TC2N: variants seen among roughly 807,000 people sequenced by gnomAD.
The protein encoded by TC2N is tandem C2 domains, nuclear.
Under a neutral mutation model 61.9 loss-of-function variants are expected in TC2N, and 51 were observed. The ratio of observed to expected loss-of-function variants is 0.82; its 90% CI spans 0.66 to 1.04. The LOEUF is 1.04. TC2N is among the 50% of genes least tolerant of loss of function. The pLI is 0.00. For synonymous variants in TC2N, 204 were observed against 192.6 expected, an observed-to-expected ratio of 1.06 and a Z score of -0.49; for missense variants, 556 against 566.7, an observed-to-expected ratio of 0.98 and a Z score of 0.19.
At chr14:91,843,406 G>GT (rs1013502788) in intron 1 of TC2N, among the ~76,000 whole-genome samples, 12 of 152,074 alleles carry the variant, frequency 7.9e-5, no homozygotes, top group Non-Finnish European at 1.0e-4. Context: ...TTAGCCAATA[G>GT]TAAGTTAGAG....
rs1888215148 is a variant in TC2N, at chr14:91,844,041, A to G, written c.-57+23221T>C. Among the ~76,000 whole-genome samples, 3 of 126,736 alleles carry G rather than the reference A, an allele frequency of 2.4e-5. No individual in the cohort carries two copies. In the Admixed American group the frequency reaches 2.6e-4, roughly 11 times the overall value. The allele number at this position is 126,736 out of a possible 152,430, so 83.1% of individuals were successfully genotyped here. A position where few individuals can be genotyped will look rare whatever the true frequency, so the allele number is the denominator to read the frequency against. Reference sequence around the variant, plus strand: ...CCTACTTGACGTGGGTTACATTTTTACCAGAAGAAAGGAAAAAAAAATGCA... The same window carrying G: ...CCTACTTGACGTGGGTTACATTTTTGCCAGAAGAAAGGAAAAAAAAATGCA... On this transcript the variant is annotated intron_variant, in intron 1 of 11. Coordinates refer to ENST00000435962, the MANE Select transcript of TC2N (RefSeq NM_001128596.3).
chr14:91,832,836 A>C lies in TC2N; in HGVS notation c.-56-19011T>G, dbSNP rs117710229. Among the ~76,000 whole-genome samples the C allele has an allele frequency of 6.8e-3, 1,030 of 152,374 alleles. 7 individuals are homozygous for C. Among genetic ancestry groups the C allele is most frequent in the Non-Finnish European group, 9.6e-3 (655 of 68,038 alleles). ...AAAAAAAAGACTGAAAACATCCTAA[A>C]TATCCATCCGCAGGATAATGGATAA... is the stretch of plus-strand genomic sequence containing the variant. On this transcript the variant is annotated intron_variant, in intron 1 of 11. Transcript: ENST00000435962.
At chr14:91,852,899 G>A (rs1173721354) in intron 1 of TC2N, among the ~76,000 whole-genome samples, 5 of 152,064 alleles carry the variant, frequency 3.3e-5, no homozygotes, top group African/African-American at 4.8e-5. Flanking sequence ...GTGAAACCCC[G>A]TCTCTACTAA....
chr14:91,802,752 G>A (rs898370913), intron 3 of TC2N, among the ~76,000 whole-genome samples: 3 of 150,608 alleles, frequency 2.0e-5, no homozygotes, highest in African/African-American at 7.4e-5. Context: ...ATTGGGGGGG[G>A]AGATACATCC....
intron 1 of TC2N, among the ~76,000 whole-genome samples, chr14:91,854,213 G>A (rs552165710): frequency 6.2e-4 from 95 of 152,154 alleles, no homozygotes; most frequent in African/African-American, 2.1e-3. Context: ...AGAGTTTAGG[G>A]CAAGTTCTGT....
chr14:91,819,366 T>C (rs1419285620), intron 1 of TC2N, among the ~76,000 whole-genome samples: 2 of 151,950 alleles, frequency 1.3e-5, no homozygotes, highest in African/African-American at 4.8e-5. Context: ...GATAGTAGCA[T>C]AGCTCTCAAT....
At chr14:91,865,763 T>C (rs1039943599) in intron 1 of TC2N, among the ~76,000 whole-genome samples, 3 of 152,194 alleles carry the variant, frequency 2.0e-5, no homozygotes, top group Non-Finnish European at 4.4e-5. Flanking sequence ...AACAGATGTC[T>C]TAATAATTTT....
At chr14:91,790,327 T>C (rs1037842725) in intron 9 of TC2N, among the ~76,000 whole-genome samples, 1 of 152,168 alleles carries the variant, frequency 6.6e-6, no homozygotes, top group Admixed American at 6.5e-5. Context: ...CAGTTGTCAG[T>C]GTGGATGGGA....
intron 1 of TC2N, among the ~76,000 whole-genome samples, chr14:91,843,035 C>T (rs940237761): frequency 1.3e-5 from 2 of 152,074 alleles, no homozygotes; most frequent in Non-Finnish European, 2.9e-5. Flanking sequence ...CAGTTCTGCA[C>T]TTAGGCCTTA....
chr14:91,836,968 A>G (rs1236352528), intron 1 of TC2N, among the ~76,000 whole-genome samples: 9 of 152,210 alleles, frequency 5.9e-5, no homozygotes, highest in Non-Finnish European at 1.0e-4. Flanking sequence ...TAAAAAGTCT[A>G]TAAAGTCTTT....
At position 91,783,191 on chromosome 14, in the gene TC2N, C is replaced by G. The variant is rs144878256; in HGVS notation, c.1382G>C (p.Ser461Thr). The stretch of plus-strand genomic sequence containing the variant: ...CTGGTTCACTGCTTCAATGTTATTA[C>G]TGTCTTCACTTATCCAAATCTGTAA... ...FVGQIWISEDSNNIEAVNQWK... is the reference protein window; with the variant it reads ...FVGQIWISEDTNNIEAVNQWK... The change falls in exon 12 of 12, where the codon AGT becomes ACT. Residue 461 changes from serine to threonine, a missense_variant. Transcript: ENST00000435962. 2.9e-5 allele frequency: 47 copies of G among 1,605,296 alleles called. No individual in the cohort carries two copies. The East Asian group carries it at 9.4e-4, about 32-fold the overall frequency.
intron 1 of TC2N, chr14:91,836,435 G>A (rs1256832740): frequency 6.6e-6 from 1 of 152,200 alleles, no homozygotes; most frequent in Non-Finnish European, 1.5e-5. Context: ...GTCACCTCGC[G>A]CGGCCGCGCC....
At chr14:91,826,313 T>C (rs7148386) in intron 1 of TC2N, among the ~76,000 whole-genome samples, 141,939 of 144,784 alleles carry the variant, frequency 0.98, 69,653 homozygotes, top group East Asian at 1. Flanking sequence ...GGGTGAGACC[T>C]TGTCTGAAAA....
At chr14:91,784,734 T>A (rs550475514) in intron 11 of TC2N, among the ~76,000 whole-genome samples, 1 of 152,234 alleles carries the variant, frequency 6.6e-6, no homozygotes, top group Middle Eastern at 3.4e-3. Flanking sequence ...AATGGACATG[T>A]TCTAGGAATT....
rs556704752 is a variant in TC2N at position 91,831,135 on chromosome 14, G to T, written c.-56-17310C>A. Among the ~76,000 whole-genome samples the T allele has an allele frequency of 7.6e-3, 1,164 of 152,274 alleles. 18 individuals carry two copies. Among genetic ancestry groups the T allele is most frequent in the African/African-American group, 0.026 (1,092 of 41,550 alleles). ...TTAGCTTTCTCTTAGATTTTGGCAT[G>T]TTAATTCCTATCTTTTGAATTGTTT... is the stretch of plus-strand genomic sequence containing the variant. On this transcript the variant is annotated intron_variant, in intron 1 of 11. Coordinates refer to ENST00000435962, the MANE Select transcript of TC2N (RefSeq NM_001128596.3).
intron 3 of TC2N, among the ~76,000 whole-genome samples, chr14:91,810,527 CAT>C (rs1235030505): frequency 6.6e-6 from 1 of 151,938 alleles, no homozygotes; most frequent in Non-Finnish European, 1.5e-5. Context: ...CAAATTACTC[CAT>C]ATACAAAGAA....
At chr14:91,817,883 G>A (rs952011410) in intron 1 of TC2N, among the ~76,000 whole-genome samples, 2 of 152,064 alleles carry the variant, frequency 1.3e-5, no homozygotes, top group East Asian at 3.8e-4. Context: ...TACACTACAG[G>A]AAAGACAGTT....
intron 4 of TC2N, 85 bp from the exon 5 acceptor site, chr14:91,800,457 T>C (rs1265813533): frequency 3.1e-6 from 2 of 655,444 alleles, no homozygotes; most frequent in Admixed American, 6.6e-5. Flanking sequence ...TCTGTAGCAA[T>C]ACATCATGAA....
chr14:91,858,834 G>C (rs1888535486), intron 1 of TC2N, among the ~76,000 whole-genome samples: 1 of 152,156 alleles, frequency 6.6e-6, no homozygotes, highest in African/African-American at 2.4e-5. Flanking sequence ...GCAGATCAAA[G>C]AGTGGGTCCT....
Sources: allele counts gnomAD v4.1 joint callset (sites outside exome capture counted in the v4.1 genomes callset), GRCh38; gene constraint gnomAD v4.1.1; transcripts MANE v1.5; gene names NCBI Gene and HGNC (gene_info 2026-07-23, HGNC 2026-07-21).